DDX46: variants seen among roughly 807,000 people sequenced by gnomAD.
DDX46 encodes the protein DEAD-box helicase 46.
In DDX46, 30 loss-of-function variants were observed where a neutral mutation model predicts 134.9. That is an observed-to-expected ratio of 0.22 (90% CI 0.17 to 0.30). The LOEUF (loss-of-function observed/expected upper bound fraction) is 0.30, where lower values mean the gene tolerates loss of function less well. Among genes scored for constraint, DDX46 ranks in the 10% least tolerant of loss-of-function variants. The probability of loss-of-function intolerance (pLI) is 1.00; values close to 1 mark genes in which losing one functional copy is unlikely to be tolerated. For missense variants in DDX46, 622 were observed against 1,248.7 expected (o/e 0.50, Z 7.56); for synonymous variants, 415 against 404.1 (o/e 1.03, Z -0.32).
At chr5:134,776,400 A>G (rs982769223) in intron 5 of DDX46, among the ~76,000 whole-genome samples, 6 of 152,076 alleles carry the variant, frequency 3.9e-5, no homozygotes, top group Non-Finnish European at 7.4e-5. Context: ...AGAAAAAAAA[A>G]AAAAGAATTA....
At chr5:134,827,097 C>A (rs1755610837) in intron 22 of DDX46, 77 bp downstream of exon 22, 1 of 1,390,774 alleles carries the variant, frequency 7.2e-7, no homozygotes, top group South Asian at 1.3e-5. Context: ...GAGAAGTACT[C>A]AAATCATAAA....
chr5:134,800,104 T>C (rs1168943311), intron 15 of DDX46, among the ~76,000 whole-genome samples: 2 of 151,910 alleles, frequency 1.3e-5, no homozygotes. Flanking sequence ...TGCACCGCCA[T>C]GCCCGGCTAA....
chr5:134,797,178 A>AAAAAAAAC (rs1754684556), intron 15 of DDX46: 4 of 284,748 alleles, frequency 1.4e-5, no homozygotes, highest in Non-Finnish European at 2.6e-5. Flanking sequence ...AAAAAAAAAA[A>AAAAAAAAC]AAAAAAAAAA....
chr5:134,817,132 T>C, intron 19 of DDX46: 2 of 202,026 alleles, frequency 9.9e-6, no homozygotes, highest in Non-Finnish European at 2.0e-5. Context: ...TCAGTGATGG[T>C]AGTAGTACAA....
At chr5:134,771,536 C>CA (rs74329372) in intron 4 of DDX46, among the ~76,000 whole-genome samples, 2,684 of 83,986 alleles carry the variant, frequency 0.032, 55 homozygotes, top group African/African-American at 0.075. Context: ...ACTAAAAATA[C>CA]AAAAAAAAAA....
At chr5:134,765,267 C>T (rs923473276) in intron 2 of DDX46, among the ~76,000 whole-genome samples, 4 of 150,858 alleles carry the variant, frequency 2.7e-5, no homozygotes, top group African/African-American at 4.9e-5. Context: ...CAAAGTTGGC[C>T]AGGTATGGTG....
At position 134,818,998 on chromosome 5, in the gene DDX46, A is replaced by G; in HGVS notation, c.2971A>G (p.Ile991Val). The change falls in exon 21 of 23, where the codon ATT (isoleucine) becomes GTT (valine). Residue 991 changes from isoleucine to valine, a missense_variant. Physicochemically the swap from Ile to Val is conservative, Grantham distance 29. Coordinates refer to ENST00000452510, the MANE Select transcript of DDX46 (RefSeq NM_001300860.2). The part of the protein sequence containing the change: ...KEGERKIYLA[I>V]ESANELAVQK... ...AGGCGAGCGGAAGATTTACTTGGCA[A>G]TTGAAAGTATGTACTGTTAGTTCTG... 2 of 1,613,440 alleles carry G rather than the reference A, an allele frequency of 1.2e-6. No individual in the cohort carries two copies. The highest frequency in any genetic ancestry group is 2.2e-5 in the South Asian group (2 of 90,970).
intron 5 of DDX46, among the ~76,000 whole-genome samples, chr5:134,775,337 T>C (rs1363976870): frequency 6.6e-6 from 1 of 152,238 alleles, no homozygotes; most frequent in Non-Finnish European, 1.5e-5. Context: ...TAGGAGATTG[T>C]AGAATTTTAT....
chr5:134,777,555 G>A lies in DDX46; in HGVS notation c.614-19G>A. 1.2e-6 allele frequency: 2 copies of A among 1,611,334 alleles called. No individual in the cohort carries two copies. Among genetic ancestry groups the A allele is most frequent in the South Asian group, 1.1e-5 (1 of 90,790 alleles). On this transcript the variant is annotated intron_variant, in intron 5 of 22. Transcript: ENST00000452510. ...ATTTTTAAACAGATGTTTAAAGAAT[G>A]TGTATTCTGGTATTTTAGATGACGA...
chr5:134,782,958 T>G lies in DDX46; in HGVS notation c.1059T>G (p.Phe353Leu). The G allele has an allele frequency of 6.2e-7, 1 of 1,613,598 alleles. No individual in the cohort carries two copies. Among genetic ancestry groups the G allele is most frequent in the Non-Finnish European group, 8.5e-7 (1 of 1,179,654 alleles). The change falls in exon 9 of 23, where the codon TTT becomes TTG. Residue 353 changes from phenylalanine (F) to leucine (L), a missense_variant. Phe to Leu is a conservative substitution (Grantham distance 22). This residue lies in a region of DDX46 where 63 missense variants were observed against 84.0 expected (regional missense o/e 0.75). Coordinates refer to ENST00000452510, the MANE Select transcript of DDX46 (RefSeq NM_001300860.2). Reference protein sequence around the residue: ...AKMSQEEVNVFRLEMEGITVK... With the variant: ...AKMSQEEVNVLRLEMEGITVK... ...TTTGTTTTGTAGAGGTAAATGTGTT[T>G]CGATTGGAAATGGAGGGCATTACAG...
intron 15 of DDX46, among the ~76,000 whole-genome samples, chr5:134,802,413 C>T (rs1754858625): frequency 1.3e-5 from 2 of 151,706 alleles, no homozygotes; most frequent in Admixed American, 6.6e-5. Context: ...CCACCCACCT[C>T]GGCCTCCCAA....
intron 15 of DDX46, among the ~76,000 whole-genome samples, chr5:134,796,988 T>C (rs1754673081): frequency 7.0e-6 from 1 of 143,862 alleles, no homozygotes; most frequent in Admixed American, 7.0e-5. Context: ...CCGTCTCTAT[T>C]AAAAATACAA....
intron 15 of DDX46, among the ~76,000 whole-genome samples, chr5:134,798,686 T>C (rs1754740151): frequency 1.3e-5 from 2 of 152,218 alleles, no homozygotes; most frequent in Admixed American, 1.3e-4. Context: ...GCTTTCTGTC[T>C]CTATGCATTT....
chr5:134,811,137 T>TGGATCAGATTTTATCTGATTG, intron 16 of DDX46, 84 bp from the exon 17 acceptor site: 1 of 1,206,376 alleles, frequency 8.3e-7, no homozygotes, highest in Non-Finnish European at 1.1e-6. Flanking sequence ...GAGGATTTAT[T>TGGATCAGATTTTATCTGATTG]AGGTGGATCA....
At chr5:134,792,421 CG>C (rs1415754095) in intron 13 of DDX46, among the ~76,000 whole-genome samples, 2 of 151,936 alleles carry the variant, frequency 1.3e-5, no homozygotes, top group East Asian at 1.9e-4. Flanking sequence ...GGAGCGGGGG[CG>C]GATATACTGA....
chr5:134,819,241 A>T (rs2150160061), intron 21 of DDX46, among the ~76,000 whole-genome samples: 1 of 152,332 alleles, frequency 6.6e-6, no homozygotes, highest in East Asian at 1.9e-4. Context: ...TTGAAAATTA[A>T]AAGAAAACTT....
intron 15 of DDX46, among the ~76,000 whole-genome samples, chr5:134,804,286 T>G (rs926570213): frequency 6.6e-6 from 1 of 152,194 alleles, no homozygotes; most frequent in Non-Finnish European, 1.5e-5. Flanking sequence ...TGCCTTTTTC[T>G]CATTCTCTCT....
intron 18 of DDX46, 113 bp downstream of exon 18, chr5:134,811,958 TTGG>T (rs1376540813): frequency 4.4e-6 from 6 of 1,371,204 alleles, no homozygotes; most frequent in Non-Finnish European, 5.8e-6. Flanking sequence ...TTACAAGAGG[TTGG>T]TTCCAGAACA....
intron 15 of DDX46, chr5:134,797,193 A>AAAAAAAAG (rs1754689939): frequency 3.4e-6 from 1 of 291,670 alleles, no homozygotes; most frequent in Non-Finnish European, 6.5e-6. Flanking sequence ...AAAAAAAAAA[A>AAAAAAAAG]AAAACACAAA....
Sources: gnomAD v4.1 joint callset for allele counts (sites outside exome capture counted in the v4.1 genomes callset) on GRCh38, gnomAD v4.1.1 for gene constraint, gnomAD v4.1.1 regional missense constraint, MANE v1.5 for transcripts, NCBI Gene and HGNC (gene_info 2026-07-23, HGNC 2026-07-21) for gene names.